Variants in DAB1 observed in about 807,000 individuals in gnomAD.
DAB1 encodes the protein disabled homolog 1.
A neutral mutation model predicts 64.6 loss-of-function variants in DAB1; 15 were observed. The ratio of observed to expected loss-of-function variants is 0.23; its 90% CI spans 0.16 to 0.36. The LOEUF (loss-of-function observed/expected upper bound fraction) is 0.36. Among genes scored for constraint, DAB1 ranks in the 10% least tolerant of loss-of-function variants. DAB1 has a pLI of 1.00. For missense variants in DAB1, 596 were observed against 706.7 expected (o/e 0.84, Z 1.78); for synonymous variants, 235 against 251.9 (o/e 0.93, Z 0.64).
intron 2 of DAB1, among the ~76,000 whole-genome samples, chr1:57,264,638 A>G (rs192072575): frequency 1.4e-4 from 21 of 152,312 alleles, no homozygotes; most frequent in Middle Eastern, 3.4e-3. Flanking sequence ...TTGAACCCCT[A>G]GAGAATGAGG....
intron 1 of DAB1, among the ~76,000 whole-genome samples, chr1:58,529,643 C>T (rs752669907): frequency 5.3e-5 from 8 of 152,060 alleles, no homozygotes; most frequent in South Asian, 2.1e-4. Context: ...TTAACAGTGC[C>T]GCATTAAAAC....
intron 7 of DAB1, among the ~76,000 whole-genome samples, chr1:57,533,512 A>G (rs1181098286): frequency 6.6e-6 from 1 of 151,026 alleles, no homozygotes; most frequent in African/African-American, 2.4e-5. Flanking sequence ...CTAGAAACAG[A>G]AAACAAAAAT....
chr1:58,126,642 T>C (rs1653118351), intron 5 of DAB1, among the ~76,000 whole-genome samples: 1 of 141,148 alleles, frequency 7.1e-6, no homozygotes, highest in African/African-American at 2.7e-5. Context: ...CAGAGTGTGA[T>C]ATTCCCCTTC....
chr1:57,257,433 C>T (rs1378652296), intron 2 of DAB1, among the ~76,000 whole-genome samples: 1 of 152,178 alleles, frequency 6.6e-6, no homozygotes, highest in Admixed American at 6.5e-5. Context: ...GGATAAAGTG[C>T]ATGCATTATC....
chr1:58,152,779 C>A (rs183109947), intron 4 of DAB1, among the ~76,000 whole-genome samples: 1 of 152,154 alleles, frequency 6.6e-6, no homozygotes, highest in Admixed American at 6.6e-5. Context: ...TCACAACATA[C>A]GAGTAGTAAG....
At chr1:57,974,003 C>A (rs1331836470) in intron 5 of DAB1, among the ~76,000 whole-genome samples, 4 of 152,154 alleles carry the variant, frequency 2.6e-5, no homozygotes, top group Non-Finnish European at 4.4e-5. Flanking sequence ...TATGACCTGA[C>A]CTTCTTCCCC....
rs145189821 is a variant in DAB1 at position 57,041,609 on chromosome 1, C to T, written c.724-15566G>A. Among the ~76,000 whole-genome samples the T allele has an allele frequency of 1.3e-3, 195 of 152,318 alleles. 1 individual carries two copies. Among genetic ancestry groups the T allele is most frequent in the African/African-American group, 4.4e-3 (184 of 41,574 alleles). ...GTTGTAACATTAGGGAAATATCCAT[C>T]TCATAAGACTGAGTTGAAGATTACC... On this transcript the variant is annotated intron_variant, in intron 9 of 14. Coordinates refer to ENST00000371236, the MANE Select transcript of DAB1 (RefSeq NM_001365792.1).
At chr1:57,589,599 A>G (rs1313660136) in intron 7 of DAB1, among the ~76,000 whole-genome samples, 1 of 152,234 alleles carries the variant, frequency 6.6e-6, no homozygotes, top group East Asian at 1.9e-4. Context: ...TCTACTAAAA[A>G]TACAGAAATT....
At chr1:57,986,348 C>T (rs192742842) in intron 5 of DAB1, among the ~76,000 whole-genome samples, 70 of 152,236 alleles carry the variant, frequency 4.6e-4, no homozygotes, top group African/African-American at 1.7e-3. Context: ...AAAAAAGACC[C>T]GAGAGTGCTC....
At chr1:58,282,820 G>C (rs1032495944) in intron 4 of DAB1, among the ~76,000 whole-genome samples, 1 of 152,218 alleles carries the variant, frequency 6.6e-6, no homozygotes, top group Non-Finnish European at 1.5e-5. Context: ...GGGAGAAGAG[G>C]GAGCGACTGC....
chr1:58,292,054 C>T (rs1011965850), intron 4 of DAB1, among the ~76,000 whole-genome samples: 1 of 152,122 alleles, frequency 6.6e-6, no homozygotes, highest in African/African-American at 2.4e-5. Context: ...AGGAATTTGT[C>T]CCCTTTTTTT....
At chr1:57,966,369 C>T (rs1645666227) in intron 5 of DAB1, among the ~76,000 whole-genome samples, 1 of 152,056 alleles carries the variant, frequency 6.6e-6, no homozygotes, top group African/African-American at 2.4e-5. Flanking sequence ...GAATGTTGCC[C>T]CCTCATCATT....
intron 6 of DAB1, among the ~76,000 whole-genome samples, chr1:57,662,519 C>T (rs1208252598): frequency 6.6e-6 from 1 of 152,178 alleles, no homozygotes; most frequent in East Asian, 1.9e-4. Flanking sequence ...ATCACTCGTT[C>T]ATTTGGTGCC....
At chr1:57,851,292 G>A (rs559963735) in intron 1 of DAB1, among the ~76,000 whole-genome samples, 2 of 152,336 alleles carry the variant, frequency 1.3e-5, no homozygotes, top group South Asian at 4.1e-4. Flanking sequence ...TGAAGTTGTT[G>A]TTTCCTGATT....
At chr1:58,047,688 G>T (rs931734611) in intron 5 of DAB1, among the ~76,000 whole-genome samples, 1 of 152,042 alleles carries the variant, frequency 6.6e-6, no homozygotes, top group Non-Finnish European at 1.5e-5. Flanking sequence ...AGATCTTCAC[G>T]CAATTCCATA....
chr1:57,353,415 G>A (rs940206436), intron 1 of DAB1, among the ~76,000 whole-genome samples: 6 of 152,032 alleles, frequency 3.9e-5, no homozygotes, highest in African/African-American at 1.5e-4. Flanking sequence ...TCTGGATTAC[G>A]AGATCCTTGA....
At chr1:58,195,808 A>G (rs1464490465) in intron 4 of DAB1, among the ~76,000 whole-genome samples, 2 of 152,212 alleles carry the variant, frequency 1.3e-5, no homozygotes, top group Non-Finnish European at 2.9e-5. Flanking sequence ...GCACTAAACC[A>G]TATTATTTTA....
At chr1:58,222,035 GA>G (rs1387390481) in intron 4 of DAB1, among the ~76,000 whole-genome samples, 1 of 152,204 alleles carries the variant, frequency 6.6e-6, no homozygotes, top group Admixed American at 6.5e-5. Context: ...TAATCCATTA[GA>G]ATATGCTTTA....
intron 2 of DAB1, among the ~76,000 whole-genome samples, chr1:57,274,476 T>C (rs528129097): frequency 3.0e-4 from 45 of 152,218 alleles, no homozygotes; most frequent in Admixed American, 6.5e-4. Context: ...TGATGCATAG[T>C]AAGCGCTCAA....
Sources: allele counts gnomAD v4.1 joint callset (sites outside exome capture counted in the v4.1 genomes callset), GRCh38; gene constraint gnomAD v4.1.1; transcripts MANE v1.5; gene names NCBI Gene and HGNC (gene_info 2026-07-23, HGNC 2026-07-21).